The following PAIP1 variants were observed in gnomAD, a reference collection of about 807,000 sequenced individuals.
PAIP1 encodes poly(A) binding protein interacting protein 1, also known as polyadenylate-binding protein-interacting protein 1.
PAIP1 carries 16 observed loss-of-function variants against 61.3 expected under a neutral mutation model. That is an observed-to-expected ratio of 0.26 (90% CI 0.18 to 0.40). The LOEUF (loss-of-function observed/expected upper bound fraction) is 0.40, where lower values mean the gene tolerates loss of function less well. PAIP1 is among the 10% of genes least tolerant of loss of function. PAIP1 has a pLI of 1.00. For synonymous variants in PAIP1, 187 were observed against 226.2 expected, an observed-to-expected ratio of 0.83 and a Z score of 1.56; for missense variants, 416 against 600.9, an observed-to-expected ratio of 0.69 and a Z score of 3.22.
chr5:43,552,141 G>A (rs944614870), intron 2 of PAIP1, among the ~76,000 whole-genome samples: 5 of 152,140 alleles, frequency 3.3e-5, no homozygotes, highest in Non-Finnish European at 5.9e-5. Context: ...TTACAGAACC[G>A]TGGGAATAAA....
rs1224989549 is a variant in PAIP1 at position 43,543,098 on chromosome 5, A to C, written c.640T>G (p.Phe214Val). 2.5e-6 allele frequency: 4 copies of C among 1,596,990 alleles called. No homozygotes were observed. The highest frequency in any genetic ancestry group is 3.4e-6 in the Non-Finnish European group (4 of 1,164,844). Residue 214 changes from phenylalanine to valine, a missense_variant, in exon 4 of 11, where the codon TTC becomes GTC. By Grantham distance (50) the Phe-to-Val change is conservative. Coordinates refer to ENST00000306846, the MANE Select transcript of PAIP1 (RefSeq NM_006451.5). ...IYQQATSIPN[F>V]SYMGARLCNY... is the part of the protein sequence containing the mutation. ...CACAGGCGAGCTCCCATATAAGAGA[A>C]ATTTGGGATAGATGTGGCCTTTTAA...
At chr5:43,531,334 A>AT (rs1433349464) in intron 9 of PAIP1, among the ~76,000 whole-genome samples, 8 of 151,682 alleles carry the variant, frequency 5.3e-5, no homozygotes, top group Admixed American at 3.9e-4. Flanking sequence ...AAATGAAAAA[A>AT]GAAAAAAGAA....
intron 3 of PAIP1, among the ~76,000 whole-genome samples, chr5:43,546,199 C>T (rs1396233932): frequency 6.6e-6 from 1 of 152,168 alleles, no homozygotes; most frequent in Admixed American, 6.5e-5. Flanking sequence ...AATATTAAAA[C>T]ATTAAACATA....
At chr5:43,539,952 G>GT (rs1484841398) in intron 4 of PAIP1, among the ~76,000 whole-genome samples, 1 of 152,192 alleles carries the variant, frequency 6.6e-6, no homozygotes, top group Admixed American at 6.5e-5. Flanking sequence ...CACAAAACTG[G>GT]TTTTGACAGT....
chr5:43,556,400 A>C, intron 1 of PAIP1, 182 bp downstream of exon 1: 1 of 1,230,038 alleles, frequency 8.1e-7, no homozygotes, highest in Admixed American at 4.2e-5. Context: ...AAAGGATTCC[A>C]GCAGACACCT....
chr5:43,549,906 A>G (rs571595164), intron 2 of PAIP1, among the ~76,000 whole-genome samples: 1 of 151,752 alleles, frequency 6.6e-6, no homozygotes, highest in Non-Finnish European at 1.5e-5. Context: ...GTATTTTTAG[A>G]GGAGATGGGG....
intron 7 of PAIP1, 112 bp from the exon 8 acceptor site, chr5:43,535,082 G>A (rs1747090827): frequency 4.5e-6 from 3 of 672,364 alleles, no homozygotes; most frequent in Non-Finnish European, 7.9e-6. Flanking sequence ...TACATCTGAT[G>A]CCTTGACTTT....
At position 43,556,912 on chromosome 5, in the gene PAIP1, G is replaced by T; in HGVS notation, c.-66C>A. 2.3e-6 allele frequency: 3 copies of T among 1,321,250 alleles called. No homozygotes were observed. The highest frequency in any genetic ancestry group is 2.9e-6 in the Non-Finnish European group (3 of 1,037,688). 81.8% of individuals were successfully genotyped at this position (1,321,250 alleles called of 1,614,324 possible). ...CTGCGCTCGCGATAGGACGCGGGGG[G>T]AAGGCGCCGCGGGTCGGCTATAGCC... On this transcript the variant is annotated 5_prime_UTR_variant, in exon 1 of 11. Coordinates refer to ENST00000306846, the MANE Select transcript of PAIP1 (RefSeq NM_006451.5).
At chr5:43,553,645 C>CTAAT (rs1747951874) in intron 2 of PAIP1, among the ~76,000 whole-genome samples, 1 of 152,140 alleles carries the variant, frequency 6.6e-6, no homozygotes, top group African/African-American at 2.4e-5. Context: ...TGTTCTATGA[C>CTAAT]TAATTGGATT....
chr5:43,555,753 A>C, intron 2 of PAIP1, 77 bp downstream of exon 2: 2 of 1,293,356 alleles, frequency 1.5e-6, no homozygotes, highest in South Asian at 3.0e-5. Flanking sequence ...AAGCACAAAC[A>C]TACTCTGATT....
chr5:43,528,011 A>C (rs1218664890), intron 10 of PAIP1, among the ~76,000 whole-genome samples: 1 of 152,148 alleles, frequency 6.6e-6, no homozygotes, highest in Non-Finnish European at 1.5e-5. Context: ...TTTTGAGATC[A>C]TCTATTCCAG....
intron 2 of PAIP1, among the ~76,000 whole-genome samples, chr5:43,554,095 T>C (rs1321709384): frequency 6.6e-6 from 1 of 152,186 alleles, no homozygotes; most frequent in Non-Finnish European, 1.5e-5. Context: ...TGGCAAGGAA[T>C]GCCTAAAAGA....
chr5:43,535,661 AAAATAAG>A (rs1371345840), intron 6 of PAIP1, 21 bp from the exon 7 acceptor site: 4 of 1,286,824 alleles, frequency 3.1e-6, no homozygotes, highest in Admixed American at 3.4e-5. Context: ...AGGTGTCAGT[AAAATAAG>A]AAATTCAATA....
At chr5:43,545,279 C>G (rs901030194) in intron 3 of PAIP1, among the ~76,000 whole-genome samples, 3 of 152,202 alleles carry the variant, frequency 2.0e-5, no homozygotes, top group Non-Finnish European at 4.4e-5. Flanking sequence ...ATGCATGCTG[C>G]TATTGTTTTG....
chr5:43,534,933 G>A lies in PAIP1; in HGVS notation c.1117C>T (p.Arg373Trp), dbSNP rs537292836. The change falls in exon 8 of 11, where the codon CGG becomes TGG. Residue 373 changes from arginine (R) to tryptophan (W), a missense_variant. Physicochemically the swap from Arg to Trp is moderately radical, Grantham distance 101 (BLOSUM62 -3). Around this residue, in one of 4 missense-constraint regions of PAIP1, gnomAD observed 135 missense variants for 283.9 expected, o/e 0.48. Transcript: ENST00000306846. ...KQMLLKLVEL[R>W]SSNWGRVHAT... ...TGGACTCTGCCCCAGTTACTTGACC[G>A]GAGTTCTACAAGCTTCAAGAGCATC... is the stretch of plus-strand genomic sequence containing the variant. 2.2e-5 allele frequency: 35 copies of A among 1,609,472 alleles called. No individual in the cohort carries two copies. The highest frequency in any genetic ancestry group is 8.3e-5 in the Admixed American group (5 of 60,012).
chr5:43,530,034 A>C (rs1418619800), intron 9 of PAIP1, among the ~76,000 whole-genome samples, 155 bp from the exon 10 acceptor site: 2 of 152,246 alleles, frequency 1.3e-5, no homozygotes, highest in African/African-American at 4.8e-5. Context: ...TATAAGTTGG[A>C]AATCAAAGCC....
intron 4 of PAIP1, among the ~76,000 whole-genome samples, chr5:43,542,063 C>G (rs1171082637): frequency 6.6e-6 from 1 of 151,336 alleles, no homozygotes; most frequent in Non-Finnish European, 1.5e-5. Flanking sequence ...ATCATCCCAG[C>G]TACTGGGGAG....
chr5:43,542,533 CAAA>C (rs35220672), intron 4 of PAIP1, among the ~76,000 whole-genome samples: 7 of 62,166 alleles, frequency 1.1e-4, no homozygotes, highest in East Asian at 4.3e-4. Context: ...GACTCCATCT[CAAA>C]AAAAAAAAAA....
Position 43,557,039 on chromosome 5 carries a change from T to C in PAIP1, c.-193A>G. On this transcript the variant is annotated 5_prime_UTR_variant, in exon 1 of 11. Coordinates refer to ENST00000306846, the MANE Select transcript of PAIP1 (RefSeq NM_006451.5). Reference sequence around the variant, plus strand: ...GGACGGCAGCCCGAGCACCCGCCGCTCCAGAGCGCCCGCCCCGCTCGGCTA... The same window carrying C: ...GGACGGCAGCCCGAGCACCCGCCGCCCCAGAGCGCCCGCCCCGCTCGGCTA... The C allele has an allele frequency of 2.0e-6, 2 of 1,011,956 alleles. No homozygotes were observed. The highest frequency in any genetic ancestry group is 2.5e-6 in the Non-Finnish European group (2 of 784,368). The allele number at this position is 1,011,956 out of a possible 1,614,324, so 62.7% of individuals were successfully genotyped here. A position where few individuals can be genotyped will look rare whatever the true frequency, so the allele number is the denominator to read the frequency against.
Sources: allele counts gnomAD v4.1 joint callset (sites outside exome capture counted in the v4.1 genomes callset), GRCh38; gene constraint gnomAD v4.1.1; regional missense constraint gnomAD v4.1.1; transcripts MANE v1.5; gene names NCBI Gene and HGNC (gene_info 2026-07-23, HGNC 2026-07-21).